UMOD: variants seen among roughly 807,000 people sequenced by gnomAD.
The protein encoded by UMOD is uromodulin, also known as Tamm-Horsfall urinary glycoprotein.
In UMOD, 64 loss-of-function variants were observed where a neutral mutation model predicts 66.0. That is an observed-to-expected ratio of 0.97 (90% CI 0.79 to 1.19). UMOD has a LOEUF of 1.19. Among genes scored for constraint, UMOD ranks in the 50% most tolerant of loss-of-function variants. The pLI is 0.00. For missense variants in UMOD, 764 were observed against 850.9 expected, an observed-to-expected ratio of 0.90 and a Z score of 1.27; for synonymous variants, 398 against 352.7, an observed-to-expected ratio of 1.13 and a Z score of -1.44.
intron 5 of UMOD, among the ~76,000 whole-genome samples, chr16:20,345,400 T>TTTTTCTTTCTTTC (rs1555486828): frequency 1.3e-5 from 1 of 77,960 alleles, no homozygotes; most frequent in Non-Finnish European, 3.0e-5. Flanking sequence ...TTTTCTTTTT[T>TTTTTCTTTCTTTC]TTTCTTTCTT....
chr16:20,350,813 TTC>T lies in UMOD; in HGVS notation c.-78_-77del, dbSNP rs1053039202. 3 of 1,598,328 alleles carry T rather than the reference TTC, an allele frequency of 1.9e-6. No individual in the cohort carries two copies. Among genetic ancestry groups the T allele is most frequent in the Admixed American group, 3.5e-5 (2 of 57,278 alleles). Reference sequence around the variant, plus strand: ...AAAGACGGGTTGGCCCTTTGAATTTTTCTCTCTGTCTCTGATGTCTGGTGTCC... The same window carrying T: ...AAAGACGGGTTGGCCCTTTGAATTTTTCTCTGTCTCTGATGTCTGGTGTCC... On this transcript the variant is annotated 5_prime_UTR_variant, in exon 2 of 11. Transcript: ENST00000396138.
Position 20,350,801 on chromosome 16 carries a change from C to G in UMOD, c.-64G>C. The G allele has an allele frequency of 1.2e-6, 2 of 1,607,306 alleles. No homozygotes were observed. Among genetic ancestry groups the G allele is most frequent in the Non-Finnish European group, 1.7e-6 (2 of 1,176,850 alleles). On this transcript the variant is annotated 5_prime_UTR_variant, in exon 2 of 11. Transcript: ENST00000396138. Reference sequence around the variant, plus strand: ...CCTGCCCAAAGGAAAGACGGGTTGGCCCTTTGAATTTTTCTCTCTGTCTCT... The same window carrying G: ...CCTGCCCAAAGGAAAGACGGGTTGGGCCTTTGAATTTTTCTCTCTGTCTCT...
intron 1 of UMOD, among the ~76,000 whole-genome samples, chr16:20,351,976 C>T (rs1965916822): frequency 6.6e-6 from 1 of 150,378 alleles, no homozygotes; most frequent in Admixed American, 6.7e-5. Flanking sequence ...TGAGATCGTG[C>T]CACTGCACTC....
rs753492646 is a variant in UMOD, at chr16:20,348,567, C to T, written c.734G>A (p.Arg245His). The change falls in exon 3 of 11, where the codon CGC (arginine) becomes CAC (histidine). Residue 245 changes from arginine (R) to histidine (H), a missense_variant. Arg to His is a conservative substitution (Grantham distance 29). Coordinates refer to ENST00000396138, the MANE Select transcript of UMOD (RefSeq NM_003361.4). ...HPSSDEGIVS[R>H]KACAHWSGHC... is the part of the protein sequence containing the mutation. ...GCCGCTCCAGTGCGCGCAGGCCTTG[C>T]GGCTCACGATGCCCTCGTCGCTGGA... The T allele has an allele frequency of 1.3e-5, 21 of 1,596,350 alleles. No homozygotes were observed. In the Admixed American group the frequency reaches 3.4e-4, roughly 26 times the overall value.
intron 8 of UMOD, 96 bp downstream of exon 8, chr16:20,337,194 TA>T (rs1317042564): frequency 1.1e-5 from 16 of 1,504,706 alleles, no homozygotes; most frequent in Middle Eastern, 2.1e-4. Context: ...ATCCCTCTGG[TA>T]AAAGAGGGAA....
At chr16:20,340,919 A>G (rs1286883809) in intron 7 of UMOD, among the ~76,000 whole-genome samples, 172 bp downstream of exon 7, 4 of 151,324 alleles carry the variant, frequency 2.6e-5, no homozygotes, top group African/African-American at 9.7e-5. Flanking sequence ...ACTTGAACCC[A>G]GGAGGCGGAG....
intron 9 of UMOD, among the ~76,000 whole-genome samples, chr16:20,336,185 C>T (rs1288747488): frequency 6.6e-6 from 1 of 152,074 alleles, no homozygotes; most frequent in Non-Finnish European, 1.5e-5. Context: ...GTAGACCCTG[C>T]ACTTAATGGA....
chr16:20,351,133 T>A lies in UMOD; in HGVS notation c.-102-294A>T, dbSNP rs1279137623. 12 of 273,104 alleles carry A rather than the reference T, an allele frequency of 4.4e-5. No homozygotes were observed. In the East Asian group the frequency reaches 1.0e-3, roughly 23 times the overall value. 16.9% of individuals were successfully genotyped at this position (273,104 alleles called of 1,614,324 possible). ...TGGAATAGTGTTCTGGACTCACCAC[T>A]TTACTGAAGGCAGCTTTGGATTTTA... On this transcript the variant is annotated intron_variant, in intron 1 of 10. Coordinates refer to ENST00000396138, the MANE Select transcript of UMOD (RefSeq NM_003361.4).
chr16:20,346,212 A>G lies in UMOD; in HGVS notation c.1096T>C (p.Cys366Arg), dbSNP rs1567307337. The G allele has an allele frequency of 6.2e-7, 1 of 1,614,236 alleles. No individual in the cohort carries two copies. The highest frequency in any genetic ancestry group is 8.5e-7 in the Non-Finnish European group (1 of 1,180,042). The change falls in exon 5 of 11, where the codon TGC (cysteine) becomes CGC (arginine). Residue 366 changes from cysteine to arginine, a missense_variant. Physicochemically the swap from Cys to Arg is radical, Grantham distance 180. Coordinates refer to ENST00000396138, the MANE Select transcript of UMOD (RefSeq NM_003361.4). ...KVFMYLSDSR[C>R]SGFNDRDNRD... Reference sequence around the variant, plus strand: ...TTGTCTCTGTCATTGAAGCCCGAGCACCGGCTGTCACTCAGGTACATGAAG... The same window carrying G: ...TTGTCTCTGTCATTGAAGCCCGAGCGCCGGCTGTCACTCAGGTACATGAAG...
At chr16:20,346,770 T>C (rs1021453015) in intron 4 of UMOD, among the ~76,000 whole-genome samples, 1 of 151,958 alleles carries the variant, frequency 6.6e-6, no homozygotes, top group African/African-American at 2.4e-5. Flanking sequence ...TCTCCCACAG[T>C]AGTAATAGTA....
upstream of UMOD, chr16:20,352,764 C>T: frequency 1.6e-6 from 2 of 1,229,340 alleles, no homozygotes; most frequent in Non-Finnish European, 2.0e-6. Context: ...CCCAGGCTGG[C>T]AATCTCTCCT....
At chr16:20,348,169 C>A in intron 4 of UMOD, 54 bp downstream of exon 4, 1 of 1,483,934 alleles carries the variant, frequency 6.7e-7, no homozygotes, top group Non-Finnish European at 9.4e-7. Flanking sequence ...ATGTGTCCCT[C>A]CCCCAGGCAG....
upstream of UMOD, chr16:20,352,824 A>G (rs1237344795): frequency 1.4e-5 from 14 of 1,011,610 alleles, no homozygotes; most frequent in Non-Finnish European, 1.8e-5. Flanking sequence ...TGGGGGTGGA[A>G]TATTTTTTCC....
rs763525510 is a variant in UMOD at position 20,344,084 on chromosome 16, G to A, written c.1271C>T (p.Ala424Val). ...TTTCATGTCCAGGGGGTAGGAGCATGCAAAGTTGATTTTGATGTTGAGGTC... is the reference window on the plus strand; with the variant it reads ...TTTCATGTCCAGGGGGTAGGAGCATACAAAGTTGATTTTGATGTTGAGGTC... The part of the protein sequence containing the change: ...IRDLNIKINF[A>V]CSYPLDMKVS... Residue 424 changes from alanine to valine, a missense_variant, in exon 6 of 11, where the codon GCA becomes GTA. Physicochemically the swap from Ala to Val is moderately conservative, Grantham distance 64 (BLOSUM62 0). Coordinates refer to ENST00000396138, the MANE Select transcript of UMOD (RefSeq NM_003361.4). 3 of 1,613,736 alleles carry A rather than the reference G, an allele frequency of 1.9e-6. No individual in the cohort carries two copies. In the African/African-American group the frequency reaches 4.0e-5, roughly 22 times the overall value.
chr16:20,341,683 A>G (rs1380656479), intron 6 of UMOD, among the ~76,000 whole-genome samples: 1 of 151,800 alleles, frequency 6.6e-6, no homozygotes, highest in Non-Finnish European at 1.5e-5. Flanking sequence ...AGGCTTTGCT[A>G]CCCCTGTAGC....
intron 9 of UMOD, among the ~76,000 whole-genome samples, chr16:20,336,388 T>C (rs1337054106): frequency 1.3e-5 from 2 of 152,224 alleles, no homozygotes; most frequent in African/African-American, 4.8e-5. Context: ...CTGGATGATC[T>C]ACATTCCTAC....
chr16:20,345,372 TCTTC>T (rs1266657467), intron 5 of UMOD, among the ~76,000 whole-genome samples: 3 of 151,156 alleles, frequency 2.0e-5, no homozygotes, highest in East Asian at 1.9e-4. Flanking sequence ...TTTCTTCCTT[TCTTC>T]CTTCCTTCCT....
At chr16:20,345,737 T>C (rs370982453) in intron 5 of UMOD, among the ~76,000 whole-genome samples, 154 of 152,112 alleles carry the variant, frequency 1.0e-3, no homozygotes, top group African/African-American at 2.9e-3. Flanking sequence ...GATACAGACC[T>C]TGCCTTCCAG....
At chr16:20,342,048 C>T (rs75459600) in intron 6 of UMOD, among the ~76,000 whole-genome samples, 4,782 of 152,250 alleles carry the variant, frequency 0.031, 145 homozygotes, top group African/African-American at 0.075. Flanking sequence ...ATGTCTAACT[C>T]GAGACAGAGA....
Sources: allele counts gnomAD v4.1 joint callset (sites outside exome capture counted in the v4.1 genomes callset), GRCh38; gene constraint gnomAD v4.1.1; transcripts MANE v1.5; gene names NCBI Gene and HGNC (gene_info 2026-07-23, HGNC 2026-07-21).